KCNH5: variants seen among roughly 807,000 people sequenced by gnomAD.
The protein encoded by KCNH5 is potassium voltage-gated channel subfamily H member 5.
A neutral mutation model predicts 96.1 loss-of-function variants in KCNH5; 46 were observed. The ratio of observed to expected loss-of-function variants is 0.48; its 90% CI spans 0.38 to 0.61. KCNH5 has a LOEUF of 0.61. Among genes scored for constraint, KCNH5 ranks in the 20% least tolerant of loss-of-function variants. The pLI is 0.00. For synonymous variants in KCNH5, 439 were observed against 449.8 expected (o/e 0.98, Z 0.30); for missense variants, 907 against 1,225.8 (o/e 0.74, Z 3.88).
intron 9 of KCNH5, among the ~76,000 whole-genome samples, chr14:62,780,625 T>A (rs965111467): frequency 6.6e-6 from 1 of 152,204 alleles, no homozygotes; most frequent in Non-Finnish European, 1.5e-5. Flanking sequence ...TTAAAAATTC[T>A]AGAAATCACA....
chr14:62,882,099 T>C (rs1301655761), intron 7 of KCNH5, among the ~76,000 whole-genome samples: 1 of 57,876 alleles, frequency 1.7e-5, no homozygotes, highest in Non-Finnish European at 2.8e-5. Context: ...ACCCCATTTC[T>C]TAAAAAAAAA....
intron 7 of KCNH5, among the ~76,000 whole-genome samples, chr14:62,930,494 C>T (rs991077496): frequency 1.3e-5 from 2 of 152,106 alleles, no homozygotes; most frequent in Non-Finnish European, 2.9e-5. Flanking sequence ...TCATAAGATA[C>T]AGCTTCACAA....
intron 10 of KCNH5, among the ~76,000 whole-genome samples, chr14:62,723,977 A>G (rs1194876257): frequency 2.0e-5 from 3 of 152,170 alleles, no homozygotes; most frequent in Non-Finnish European, 4.4e-5. Context: ...CATAGAAGAA[A>G]ATCAGACATG....
chr14:62,914,161 A>G (rs1889227467), intron 7 of KCNH5, among the ~76,000 whole-genome samples: 3 of 152,240 alleles, frequency 2.0e-5, no homozygotes, highest in Non-Finnish European at 4.4e-5. Context: ...TTGCATGCTA[A>G]CCATATGCCT....
In KCNH5 at chr14:62,975,744, A is replaced by G. The variant is rs1215615156; in HGVS notation, c.942+5128T>C. On this transcript the variant is annotated intron_variant, in intron 6 of 10. Coordinates refer to ENST00000322893, the MANE Select transcript of KCNH5 (RefSeq NM_139318.5). ...CAATCAATCCAAAACCTGGAAAAAC[A>G]AAAGGAAAAAGAAAACACCAAAACA... Among the ~76,000 whole-genome samples the G allele has an allele frequency of 1.1e-4, 16 of 152,272 alleles. No homozygotes were observed. The East Asian group carries it at 3.1e-3, about 29-fold the overall frequency.
chr14:62,776,226 C>T (rs773646102), intron 10 of KCNH5, among the ~76,000 whole-genome samples: 45 of 151,802 alleles, frequency 3.0e-4, no homozygotes, highest in South Asian at 2.1e-4. Context: ...GAGATCGCAC[C>T]ACTGCACTCC....
chr14:62,730,650 GAAC>G (rs1416675377), intron 10 of KCNH5, among the ~76,000 whole-genome samples: 1 of 152,134 alleles, frequency 6.6e-6, no homozygotes, highest in African/African-American at 2.4e-5. Context: ...CATCTATCAA[GAAC>G]AACAACAGGG....
rs117016333 is a variant in KCNH5 at position 62,812,181 on chromosome 14, C to T, written c.1570-9600G>A. Among the ~76,000 whole-genome samples the T allele has an allele frequency of 1.1e-3, 166 of 152,124 alleles. 1 individual carries two copies. The East Asian group carries it at 0.024, about 22-fold the overall frequency. ...TTCTCATGTTTTCTGGTTCTCTGTA[C>T]TAAAAAAATTAAAATGCTGATTTTT... On this transcript the variant is annotated intron_variant, in intron 8 of 10. Transcript: ENST00000322893.
At chr14:62,766,328 A>T (rs1679695570) in intron 10 of KCNH5, among the ~76,000 whole-genome samples, 2 of 152,316 alleles carry the variant, frequency 1.3e-5, no homozygotes, top group South Asian at 4.1e-4. Flanking sequence ...ACTGCTGGGT[A>T]TATACCCAAA....
intron 10 of KCNH5, among the ~76,000 whole-genome samples, chr14:62,773,769 A>T (rs921055881): frequency 5.9e-5 from 9 of 152,252 alleles, no homozygotes; most frequent in African/African-American, 2.2e-4. Flanking sequence ...CATGTAACAT[A>T]TATTTTAAGT....
intron 10 of KCNH5, among the ~76,000 whole-genome samples, chr14:62,716,848 A>G (rs1884697896): frequency 6.6e-6 from 1 of 152,210 alleles, no homozygotes; most frequent in Non-Finnish European, 1.5e-5. Flanking sequence ...AGAAAGGAAG[A>G]ATTAAAACTC....
rs552691299 is a variant in KCNH5, at chr14:62,802,671, G to A, written c.1570-90C>T. On this transcript the variant is annotated intron_variant, in intron 8 of 10. Transcript: ENST00000322893. ...CATCCAACAAATATTTATTGACTAT[G>A]ACTATGTCTGCTACACTGCTACACA... is the stretch of plus-strand genomic sequence containing the variant. 19 of 1,443,592 alleles carry A rather than the reference G, an allele frequency of 1.3e-5. No homozygotes were observed. In the South Asian group the frequency reaches 2.1e-4, roughly 16 times the overall value. 89.4% of individuals were successfully genotyped at this position (1,443,592 alleles called of 1,614,324 possible).
chr14:63,027,402 T>G (rs1243612313), intron 1 of KCNH5, among the ~76,000 whole-genome samples: 1 of 151,550 alleles, frequency 6.6e-6, no homozygotes, highest in Non-Finnish European at 1.5e-5. Context: ...TAGCTTGACT[T>G]AGCCATTCCA....
At chr14:62,932,882 A>T (rs1163475750) in intron 7 of KCNH5, among the ~76,000 whole-genome samples, 2 of 152,200 alleles carry the variant, frequency 1.3e-5, no homozygotes, top group Non-Finnish European at 2.9e-5. Flanking sequence ...TACCCAGACA[A>T]GCTATCAGTT....
chr14:63,009,126 C>A (rs191479944), intron 2 of KCNH5, among the ~76,000 whole-genome samples: 1 of 151,818 alleles, frequency 6.6e-6, no homozygotes, highest in African/African-American at 2.4e-5. Flanking sequence ...AATTGGTCAA[C>A]AGAAAAACAA....
chr14:62,935,602 T>C (rs371959334), intron 7 of KCNH5, among the ~76,000 whole-genome samples: 141 of 152,296 alleles, frequency 9.3e-4, no homozygotes, highest in African/African-American at 3.2e-3. Flanking sequence ...CTTGGCATCA[T>C]TACCTTAGCT....
At chr14:62,994,777 C>T (rs754275391) in intron 4 of KCNH5, among the ~76,000 whole-genome samples, 17 of 151,926 alleles carry the variant, frequency 1.1e-4, no homozygotes, top group African/African-American at 3.9e-4. Flanking sequence ...ATCAGTCAGA[C>T]GTTGAGCGTC....
At chr14:62,856,323 C>T (rs866166458) in intron 7 of KCNH5, among the ~76,000 whole-genome samples, 29 of 152,024 alleles carry the variant, frequency 1.9e-4, no homozygotes, top group African/African-American at 6.5e-4. Flanking sequence ...TATTTTGTGC[C>T]CCTCCATAAT....
At chr14:62,819,365 G>T (rs111378871) in intron 8 of KCNH5, among the ~76,000 whole-genome samples, 1,927 of 152,248 alleles carry the variant, frequency 0.013, 42 homozygotes, top group African/African-American at 0.044. Context: ...AGTAACAAAA[G>T]ACCACATATT....
Sources: allele counts gnomAD v4.1 joint callset (sites outside exome capture counted in the v4.1 genomes callset), GRCh38; gene constraint gnomAD v4.1.1; transcripts MANE v1.5; gene names NCBI Gene and HGNC (gene_info 2026-07-23, HGNC 2026-07-21).